The following SLC9A4 variants were observed in gnomAD, a reference collection of about 807,000 sequenced individuals.
SLC9A4 encodes the protein sodium/hydrogen exchanger 4.
Under a neutral mutation model 67.4 loss-of-function variants are expected in SLC9A4, and 63 were observed. The observed-to-expected ratio is 0.93, with a 90% CI of 0.76 to 1.15. The LOEUF is 1.15. Among genes scored for constraint, SLC9A4 ranks in the 50% most tolerant of loss-of-function variants. The pLI is 0.00. For missense variants in SLC9A4, 1,089 were observed against 987.7 expected (o/e 1.10, Z -1.38); for synonymous variants, 393 against 367.2 (o/e 1.07, Z -0.80).
intron 9 of SLC9A4, among the ~76,000 whole-genome samples, chr2:102,523,407 C>T (rs1223681278): frequency 6.6e-6 from 1 of 152,138 alleles, no homozygotes; most frequent in African/African-American, 2.4e-5. Flanking sequence ...CAATGAACTG[C>T]AAGCCGATGA....
intron 2 of SLC9A4, among the ~76,000 whole-genome samples, chr2:102,485,395 C>T (rs186839353): frequency 2.4e-4 from 36 of 152,316 alleles, no homozygotes; most frequent in Admixed American, 7.2e-4. Flanking sequence ...ACCTTTCATG[C>T]AGTTTGCAAT....
intron 2 of SLC9A4, among the ~76,000 whole-genome samples, chr2:102,486,471 G>A (rs1160641246): frequency 1.3e-5 from 2 of 152,196 alleles, no homozygotes; most frequent in Middle Eastern, 3.2e-3. Context: ...TCCTAAAGAA[G>A]AGCTGTATGT....
intron 8 of SLC9A4, 35 bp downstream of exon 8, chr2:102,514,286 C>T (rs749308521): frequency 6.6e-7 from 1 of 1,525,402 alleles, no homozygotes; most frequent in East Asian, 2.3e-5. Context: ...TAAACTTTCA[C>T]TGTCAGAATT....
In SLC9A4 at chr2:102,532,465, T is replaced by C. The variant is rs1674798074; in HGVS notation, c.2174T>C (p.Phe725Ser). ...CACAGAGGAAGGAAGGCATTCAGCT[T>C]TGGTTATCAAAGAAACACAAGCCAA... ...SLHRGRKAFSFGYQRNTSQEE... is the reference protein window; with the variant it reads ...SLHRGRKAFSSGYQRNTSQEE... The change falls in exon 12 of 12, where the codon TTT (phenylalanine) becomes TCT (serine). Residue 725 changes from phenylalanine to serine, a missense_variant. Coordinates refer to ENST00000295269, the MANE Select transcript of SLC9A4 (RefSeq NM_001011552.4). The C allele has an allele frequency of 1.2e-6, 2 of 1,614,054 alleles. No homozygotes were observed. The highest frequency in any genetic ancestry group is 1.7e-6 in the Non-Finnish European group (2 of 1,180,032).
rs372878529 is a variant in SLC9A4, at chr2:102,533,943, G to T, written c.*1255G>T. The T allele has an allele frequency of 6.5e-4, 99 of 151,488 alleles. No homozygotes were observed. In the East Asian group the frequency reaches 0.016, roughly 24 times the overall value. The allele number at this position is 151,488 out of a possible 1,614,324, so 9.4% of individuals were successfully genotyped here. On this transcript the variant is annotated 3_prime_UTR_variant, in exon 12 of 12. Coordinates refer to ENST00000295269, the MANE Select transcript of SLC9A4 (RefSeq NM_001011552.4). ...AGTCTTTGCTATTGTGAATAATGCCGCAATAAACATACGTGTGCATGTGTC... is the reference window on the plus strand; with the variant it reads ...AGTCTTTGCTATTGTGAATAATGCCTCAATAAACATACGTGTGCATGTGTC...
At chr2:102,485,110 G>A (rs541303390) in intron 2 of SLC9A4, among the ~76,000 whole-genome samples, 10 of 152,304 alleles carry the variant, frequency 6.6e-5, no homozygotes, top group African/African-American at 2.4e-4. Context: ...GACCCAGACT[G>A]TCTAGGTCCA....
chr2:102,532,550 A>G lies in SLC9A4; in HGVS notation c.2259A>G (p.Ala753=). 6.2e-7 allele frequency: 1 copy of G among 1,614,056 alleles called. No individual in the cohort carries two copies. The change falls in exon 12 of 12, where the codon GCA becomes GCG. Residue 753 remains alanine, a synonymous_variant. Transcript: ENST00000295269. The part of the protein sequence containing the change: ...VALRPKPLFH[A]VDEEGESGGE... ...TAAGACCCAAACCTCTGTTTCATGCAGTGGATGAGGAGGGTGAGTCTGGAG... is the reference window on the plus strand; with the variant it reads ...TAAGACCCAAACCTCTGTTTCATGCGGTGGATGAGGAGGGTGAGTCTGGAG...
At chr2:102,474,169 G>A (rs954275938) in intron 1 of SLC9A4, among the ~76,000 whole-genome samples, 154 bp downstream of exon 1, 1 of 152,150 alleles carries the variant, frequency 6.6e-6, no homozygotes, top group African/African-American at 2.4e-5. Context: ...AGTCATAACT[G>A]CATTTTACTA....
rs745412914 is a variant in SLC9A4 at position 102,519,944 on chromosome 2, G to A, written c.1807G>A (p.Val603Ile). The A allele has an allele frequency of 1.2e-6, 2 of 1,613,558 alleles. No homozygotes were observed. Among genetic ancestry groups the A allele is most frequent in the Admixed American group, 3.3e-5 (2 of 60,006 alleles). The change falls in exon 9 of 12, where the codon GTT (valine) becomes ATT (isoleucine). Residue 603 changes from valine to isoleucine, a missense_variant. Coordinates refer to ENST00000295269, the MANE Select transcript of SLC9A4 (RefSeq NM_001011552.4). Reference sequence around the variant, plus strand: ...CATTCTGACATCCAACATGTACCAAGTTCGGCAAAGGGTGTGTATGAGCCA... The same window carrying A: ...CATTCTGACATCCAACATGTACCAAATTCGGCAAAGGGTGTGTATGAGCCA... ...RDILTSNMYQ[V>I]RQRTLSYNKY...
intron 11 of SLC9A4, among the ~76,000 whole-genome samples, chr2:102,528,010 GA>G (rs35010335): frequency 0.11 from 16,385 of 151,820 alleles, 1,155 homozygotes; most frequent in African/African-American, 0.19. Flanking sequence ...TGTTGCCAAC[GA>G]TTTTTTTATT....
At position 102,533,276 on chromosome 2, in the gene SLC9A4, A is replaced by G. The variant is rs1674817809; in HGVS notation, c.*588A>G. On this transcript the variant is annotated 3_prime_UTR_variant, in exon 12 of 12. Coordinates refer to ENST00000295269, the MANE Select transcript of SLC9A4 (RefSeq NM_001011552.4). ...AATTTGCTTTATTTAATCAGTAGCA[A>G]TGATAGATGTGATGCATACTATAGG... 1 of 153,508 alleles carries G rather than the reference A, an allele frequency of 6.5e-6. No individual in the cohort carries two copies. Among genetic ancestry groups the G allele is most frequent in the East Asian group, 1.9e-4 (1 of 5,364 alleles). 9.5% of individuals were successfully genotyped at this position (153,508 alleles called of 1,614,324 possible). A position where few individuals can be genotyped will look rare whatever the true frequency, so the allele number is the denominator to read the frequency against.
chr2:102,530,805 T>A (rs1157917417), intron 11 of SLC9A4, among the ~76,000 whole-genome samples: 1 of 152,200 alleles, frequency 6.6e-6, no homozygotes, highest in Non-Finnish European at 1.5e-5. Flanking sequence ...AATTAATGTT[T>A]TCTTTATTGA....
In SLC9A4 at chr2:102,478,827, G is replaced by A. The variant is rs758073731; in HGVS notation, c.257-12G>A. ...GTTTGCAAGCACCTAACTGCTCTTCGCTGTTCTGCAGGCTTCCACCTCTAC... is the reference window on the plus strand; with the variant it reads ...GTTTGCAAGCACCTAACTGCTCTTCACTGTTCTGCAGGCTTCCACCTCTAC... On this transcript the variant is annotated splice_polypyrimidine_tract_variant and intron_variant, in intron 1 of 11. Transcript: ENST00000295269. The A allele has an allele frequency of 1.9e-6, 3 of 1,611,402 alleles. No homozygotes were observed. Among genetic ancestry groups the A allele is most frequent in the Middle Eastern group, 1.7e-4 (1 of 6,024 alleles).
intron 6 of SLC9A4, among the ~76,000 whole-genome samples, chr2:102,510,272 C>CAGATACAGACACAGATATAGATAT (rs61491026): frequency 7.9e-6 from 1 of 126,258 alleles, no homozygotes; most frequent in Middle Eastern, 3.5e-3. Flanking sequence ...GATACAGATA[C>CAGATACAGACACAGATATAGATAT]AGATATAGAT....
At chr2:102,513,060 G>A (rs1197363762) in intron 7 of SLC9A4, among the ~76,000 whole-genome samples, 4 of 152,170 alleles carry the variant, frequency 2.6e-5, no homozygotes. Context: ...GTTGAACAGG[G>A]CAAGGTCAAG....
chr2:102,514,014 G>C, intron 7 of SLC9A4, 76 bp from the exon 8 acceptor site: 4 of 1,529,908 alleles, frequency 2.6e-6, no homozygotes, highest in Non-Finnish European at 2.6e-6. Flanking sequence ...TAAGTAGTTT[G>C]TTTCAAGAGA....
At chr2:102,526,052 TA>T (rs1324298560) in intron 10 of SLC9A4, among the ~76,000 whole-genome samples, 1 of 152,104 alleles carries the variant, frequency 6.6e-6, no homozygotes, top group Non-Finnish European at 1.5e-5. Flanking sequence ...CACGCCCTGC[TA>T]ATTTTTGTAT....
Position 102,508,108 on chromosome 2 carries a change from C to G in SLC9A4, c.1228C>G (p.Gln410Glu). ...SVFALFYISN[Q>E]FRTFPFSIKD... ...ATTTGCTCTCTTCTATATCAGTAACCAGTTTCGGACTTTCCCCTTCTCCAT... is the reference window on the plus strand; with the variant it reads ...ATTTGCTCTCTTCTATATCAGTAACGAGTTTCGGACTTTCCCCTTCTCCAT... Residue 410 changes from glutamine (Q) to glutamate (E), a missense_variant, in exon 5 of 12, where the codon CAG (glutamine) becomes GAG (glutamate). Gln to Glu is a conservative substitution (Grantham distance 29). Coordinates refer to ENST00000295269, the MANE Select transcript of SLC9A4 (RefSeq NM_001011552.4). The G allele has an allele frequency of 6.2e-7, 1 of 1,614,134 alleles. No individual in the cohort carries two copies. The highest frequency in any genetic ancestry group is 8.5e-7 in the Non-Finnish European group (1 of 1,180,020).
At chr2:102,508,803 T>A (rs1208566464) in intron 5 of SLC9A4, 44 bp from the exon 6 acceptor site, 1 of 1,495,466 alleles carries the variant, frequency 6.7e-7, no homozygotes, top group East Asian at 2.3e-5. Flanking sequence ...CTAGTGACAG[T>A]CTTCATTACA....
Sources: allele counts gnomAD v4.1 joint callset (sites outside exome capture counted in the v4.1 genomes callset), GRCh38; gene constraint gnomAD v4.1.1; transcripts MANE v1.5; gene names NCBI Gene and HGNC (gene_info 2026-07-23, HGNC 2026-07-21).